Variants in CCDC77 observed in about 807,000 individuals in gnomAD.
CCDC77 encodes the protein coiled-coil domain containing 77, also known as coiled-coil domain-containing protein 77.
A neutral mutation model predicts 66.8 loss-of-function variants in CCDC77; 56 were observed. That is an observed-to-expected ratio of 0.84 (90% CI 0.68 to 1.05). The LOEUF is 1.05. Ranked by LOEUF, CCDC77 falls within the 50% of genes least tolerant of loss-of-function variation. The pLI is 0.00. For missense variants in CCDC77, 570 were observed against 576.8 expected (o/e 0.99, Z 0.12); for synonymous variants, 196 against 195.2 (o/e 1.00, Z -0.03).
chr12:393,306 A>T (rs2369277), intron 1 of CCDC77, among the ~76,000 whole-genome samples: 1 of 151,654 alleles, frequency 6.6e-6, no homozygotes, highest in Non-Finnish European at 1.5e-5. Flanking sequence ...TAGACATGGG[A>T]TCTTGCTATG....
chr12:399,173 A>ATTT (rs1319750561), upstream of CCDC77, among the ~76,000 whole-genome samples: 1 of 146,430 alleles, frequency 6.8e-6, no homozygotes, highest in African/African-American at 2.7e-5. Context: ...GCCTTATGAA[A>ATTT]TATTTTTTTT....
At chr12:428,453 G>A (rs2137597633) in intron 5 of CCDC77, among the ~76,000 whole-genome samples, 1 of 135,854 alleles carries the variant, frequency 7.4e-6, no homozygotes, top group Non-Finnish European at 1.5e-5. Flanking sequence ...GGAGGTTGCA[G>A]TGAGCCAAGA....
chr12:414,905 C>T (rs1374983496), intron 4 of CCDC77, among the ~76,000 whole-genome samples: 1 of 152,162 alleles, frequency 6.6e-6, no homozygotes, highest in Non-Finnish European at 1.5e-5. Context: ...CCTCTTACAT[C>T]CCCAGTTGGC....
chr12:422,995 G>A (rs1945433696), intron 5 of CCDC77, among the ~76,000 whole-genome samples: 1 of 151,320 alleles, frequency 6.6e-6, no homozygotes, highest in South Asian at 2.1e-4. Context: ...TTGAGTAACT[G>A]CCATACTATT....
At chr12:397,014 C>T (rs569752794), upstream of CCDC77, among the ~76,000 whole-genome samples, 2 of 152,122 alleles carry the variant, frequency 1.3e-5, no homozygotes, top group Non-Finnish European at 2.9e-5. Flanking sequence ...TCAAGCAATT[C>T]GCCTGCCTCA....
At position 431,968 on chromosome 12, in the gene CCDC77, T is replaced by C; in HGVS notation, c.672+14T>C. 1 of 1,559,964 alleles carries C rather than the reference T, an allele frequency of 6.4e-7. No homozygotes were observed. The highest frequency in any genetic ancestry group is 8.8e-7 in the Non-Finnish European group (1 of 1,135,188). ...CTCATCCTACAGGTAAAGAATGTAT[T>C]TTGGCAGACCAAGATGGCTTTTATC... On this transcript the variant is annotated intron_variant, in intron 8 of 12. Coordinates refer to ENST00000239830, the MANE Select transcript of CCDC77 (RefSeq NM_032358.4).
rs117595521 is a variant in CCDC77 at position 435,450 on chromosome 12, C to G, written c.821+2128C>G. 4.0e-4 allele frequency among the ~76,000 whole-genome samples: 61 copies of G among 152,354 alleles called. No homozygotes were observed. In the East Asian group the frequency reaches 0.011, roughly 28 times the overall value. ...ATCTTCAACTCTTAACTTTCTTATT[C>G]CTTAATTCCAAACCCTATGAATTAT... On this transcript the variant is annotated intron_variant, in intron 9 of 12. Coordinates refer to ENST00000239830, the MANE Select transcript of CCDC77 (RefSeq NM_032358.4).
intron 6 of CCDC77, 116 bp downstream of exon 6, chr12:428,981 C>A: frequency 1.7e-6 from 1 of 596,726 alleles, no homozygotes; most frequent in Non-Finnish European, 2.9e-6. Context: ...TTAGCCATCA[C>A]AGTGCCTTGT....
intron 4 of CCDC77, among the ~76,000 whole-genome samples, chr12:412,284 G>A (rs1012831373): frequency 1.2e-4 from 18 of 152,100 alleles, no homozygotes; most frequent in African/African-American, 3.9e-4. Context: ...TTTTCTGAGT[G>A]CTGTATATAG....
chr12:418,774 A>C, intron 5 of CCDC77, 138 bp downstream of exon 5: 8 of 863,220 alleles, frequency 9.3e-6, no homozygotes, highest in African/African-American at 1.7e-5. Flanking sequence ...CTCTTGGCTC[A>C]CTGCAGCCTC....
upstream of CCDC77, among the ~76,000 whole-genome samples, chr12:400,378 A>G (rs984089926): frequency 5.3e-5 from 8 of 152,174 alleles, no homozygotes; most frequent in African/African-American, 1.7e-4. Flanking sequence ...TTTCCTTTGC[A>G]TGCACAACTT....
At chr12:428,417 A>C (rs539667467) in intron 5 of CCDC77, among the ~76,000 whole-genome samples, 2 of 149,374 alleles carry the variant, frequency 1.3e-5, no homozygotes, top group East Asian at 4.1e-4. Context: ...AGGCTGAGGC[A>C]GGAGAATGGC....
intron 5 of CCDC77, among the ~76,000 whole-genome samples, chr12:423,129 T>TTTTTTTTTTTTTTTTTTTTTTTC (rs1945440685): frequency 8.8e-6 from 1 of 113,960 alleles, no homozygotes; most frequent in Admixed American, 1.1e-4. Flanking sequence ...TTTTTTTTTT[T>TTTTTTTTTTTTTTTTTTTTTTTC]TTTTTTTTTG....
chr12:441,312 A>G (rs1052146148), intron 12 of CCDC77, among the ~76,000 whole-genome samples: 3 of 152,212 alleles, frequency 2.0e-5, no homozygotes, highest in Non-Finnish European at 2.9e-5. Flanking sequence ...TGAGTGATAG[A>G]GTACTTTTTT....
Position 415,644 on chromosome 12 carries a change from G to GT in CCDC77, c.271-2844dup, listed in dbSNP as rs1292590837. 2.7e-5 allele frequency among the ~76,000 whole-genome samples: 4 copies of GT among 150,692 alleles called. No homozygotes were observed. The South Asian group carries it at 8.4e-4, about 32-fold the overall frequency. On this transcript the variant is annotated intron_variant, in intron 4 of 12. Coordinates refer to ENST00000239830, the MANE Select transcript of CCDC77 (RefSeq NM_032358.4). The stretch of plus-strand genomic sequence containing the variant: ...TAGACCTCTGGGTTTTTTGTTTTTT[G>GT]TTTTTTGAGTTAGGGTCTTGCCCTG...
intron 1 of CCDC77, among the ~76,000 whole-genome samples, chr12:404,616 G>C (rs1417846629): frequency 6.6e-6 from 1 of 152,108 alleles, no homozygotes; most frequent in East Asian, 1.9e-4. Context: ...CCAGAGAGGT[G>C]AGTGTAGACA....
chr12:434,067 A>T (rs1277536356), intron 9 of CCDC77, among the ~76,000 whole-genome samples: 1 of 152,134 alleles, frequency 6.6e-6, no homozygotes, highest in Non-Finnish European at 1.5e-5. Flanking sequence ...ACGTCCTGTA[A>T]ACTTTACAGT....
chr12:407,161 A>G (rs1170869940), intron 2 of CCDC77, among the ~76,000 whole-genome samples: 1 of 152,216 alleles, frequency 6.6e-6, no homozygotes, highest in African/African-American at 2.4e-5. Context: ...AAGCAAAAAC[A>G]GTGGACTGGA....
intron 5 of CCDC77, among the ~76,000 whole-genome samples, chr12:423,466 T>TTGTG (rs1425161008): frequency 3.3e-5 from 2 of 60,198 alleles, no homozygotes; most frequent in East Asian, 5.2e-4. Context: ...TGGGTGTTTT[T>TTGTG]TGTGTTTTTT....
Sources: gnomAD v4.1 joint callset for allele counts (sites outside exome capture counted in the v4.1 genomes callset) on GRCh38, gnomAD v4.1.1 for gene constraint, MANE v1.5 for transcripts, NCBI Gene and HGNC (gene_info 2026-07-23, HGNC 2026-07-21) for gene names.